Variants in SALL4 observed in about 807,000 individuals in gnomAD.
SALL4 encodes sal-like protein 4.
SALL4 carries 4 observed loss-of-function variants against 60.8 expected under a neutral mutation model. That is an observed-to-expected ratio of 0.07 (90% CI 0.03 to 0.15). SALL4 has a LOEUF of 0.15. SALL4 is among the 10% of genes least tolerant of loss of function. SALL4 has a pLI of 1.00. For missense variants in SALL4, 1,178 were observed against 1,394.7 expected (o/e 0.84, Z 2.48); for synonymous variants, 580 against 574.9 (o/e 1.01, Z -0.13).
intron 1 of SALL4, 66 bp from the exon 2 acceptor site, chr20:51,792,418 G>A (rs866448664): frequency 1.6e-5 from 25 of 1,572,266 alleles, no homozygotes; most frequent in Middle Eastern, 1.7e-4. Flanking sequence ...GCCGGGCACC[G>A]TCGCTCACAT....
chr20:51,786,880 A>G (rs2077996448), intron 3 of SALL4, among the ~76,000 whole-genome samples: 1 of 152,116 alleles, frequency 6.6e-6, no homozygotes, highest in Admixed American at 6.5e-5. Context: ...AGATCACCTG[A>G]GGTCAGGAGT....
rs958570167 is a variant in SALL4 at position 51,790,978 on chromosome 20, G to A, written c.1505C>T (p.Ser502Phe). The A allele has an allele frequency of 1.9e-6, 3 of 1,614,142 alleles. No individual in the cohort carries two copies. In the South Asian group the frequency reaches 3.3e-5, roughly 18 times the overall value. ...CCCAGGCTGCAGGTCACCGGGCAAG[G>A]AGCCACCCGTGAGGTCCTTGGGATT... ...GTNPKDLTGG[S>F]LPGDLQPGPS... is the part of the protein sequence containing the mutation. The change falls in exon 2 of 4, where the codon TCC (serine) becomes TTC (phenylalanine). Residue 502 changes from serine to phenylalanine, a missense_variant. This residue lies in a region of SALL4 where 853 missense variants were observed against 1,036.8 expected (regional missense o/e 0.82). Coordinates refer to ENST00000217086, the MANE Select transcript of SALL4 (RefSeq NM_020436.5). The surrounding 1 kb of genome is among the most constrained non-coding windows in gnomAD (Gnocchi z 5.5).
At chr20:51,789,277 C>G in intron 2 of SALL4, 136 bp from the exon 3 acceptor site, 1 of 903,442 alleles carries the variant, frequency 1.1e-6, no homozygotes, top group Non-Finnish European at 1.6e-6. Context: ...TAATTAACAC[C>G]TTCCCCTTTG....
chr20:51,790,336 T>C lies in SALL4; in HGVS notation c.2147A>G (p.His716Arg). Residue 716 changes from histidine to arginine, a missense_variant, in exon 2 of 4, where the codon CAC (histidine) becomes CGC (arginine). By Grantham distance (29) the His-to-Arg change is conservative. Coordinates refer to ENST00000217086, the MANE Select transcript of SALL4 (RefSeq NM_020436.5). This position sits in a 1 kb window ranked among gnomAD's most constrained non-coding sequence, Gnocchi z 5.5. ...AAACCCTAGCGTGGGTGATGCCGAG[T>C]GGATGCTGGGAAGAGGCGTGGGGAC... ...SKVPTPLPSI[H>R]SASPTLGFAM... 6.2e-7 allele frequency: 1 copy of C among 1,613,980 alleles called. No homozygotes were observed. The highest frequency in any genetic ancestry group is 1.3e-5 in the African/African-American group (1 of 74,988).
Position 51,790,985 on chromosome 20 carries a change from C to G in SALL4, c.1498G>C (p.Gly500Arg). The G allele has an allele frequency of 6.2e-7, 1 of 1,614,150 alleles. No homozygotes were observed. The highest frequency in any genetic ancestry group is 8.5e-7 in the Non-Finnish European group (1 of 1,180,014). ...TGCAGGTCACCGGGCAAGGAGCCAC[C>G]CGTGAGGTCCTTGGGATTAGTCCCC... ...SSGTNPKDLT[G>R]GSLPGDLQPG... Residue 500 changes from glycine (G) to arginine (R), a missense_variant, in exon 2 of 4, where the codon GGT becomes CGT. Around this residue, in one of 5 missense-constraint regions of SALL4, gnomAD observed 853 missense variants for 1,036.8 expected, o/e 0.82. Coordinates refer to ENST00000217086, the MANE Select transcript of SALL4 (RefSeq NM_020436.5). This position sits in a 1 kb window ranked among gnomAD's most constrained non-coding sequence, Gnocchi z 5.5.
At chr20:51,796,016 G>A (rs950776999) in intron 1 of SALL4, among the ~76,000 whole-genome samples, 3 of 151,966 alleles carry the variant, frequency 2.0e-5, no homozygotes, top group African/African-American at 7.3e-5. Context: ...CCAACATGGT[G>A]AAACTCTGTC....
rs3030173 is a variant in SALL4 at position 51,788,323 on chromosome 20, TTGTG to T, written c.2742+534_2742+537del. 0.31 allele frequency among the ~76,000 whole-genome samples: 44,432 copies of T among 141,622 alleles called. 6,964 individuals are homozygous for T. The highest frequency in any genetic ancestry group is 0.51 in the East Asian group (2,331 of 4,578). The allele number at this position is 141,622 out of a possible 152,430, so 92.9% of individuals were successfully genotyped here. ...GCATGCAACACCATGCCCAACTAAT[TTGTG>T]TGTGTGTGTGTGTGTGTGTGTGTGT... On this transcript the variant is annotated intron_variant, in intron 3 of 3. Coordinates refer to ENST00000217086, the MANE Select transcript of SALL4 (RefSeq NM_020436.5). This position sits in a 1 kb window ranked among gnomAD's most constrained non-coding sequence, Gnocchi z 4.1.
intron 1 of SALL4, chr20:51,793,102 T>C (rs2078059517): frequency 3.0e-6 from 1 of 336,054 alleles, no homozygotes; most frequent in African/African-American, 2.2e-5. Flanking sequence ...GTGTGAGAAA[T>C]ATGCAGAATT....
chr20:51,799,212 C>A (rs985266096), intron 1 of SALL4, among the ~76,000 whole-genome samples: 2 of 152,090 alleles, frequency 1.3e-5, no homozygotes, highest in Admixed American at 1.3e-4. Flanking sequence ...AGTAGCCCTT[C>A]TATAGTTGAA....
rs11469206 is a variant in SALL4 at position 51,801,919 on chromosome 20, AGGG to A, written c.130+357_130+359del. On this transcript the variant is annotated intron_variant, in intron 1 of 3. Transcript: ENST00000217086. This position sits in a 1 kb window ranked among gnomAD's most constrained non-coding sequence, Gnocchi z 5.2. Reference sequence around the variant, plus strand: ...GCGAGGGAGGGGGACCTAAGTTACAAGGGGGGGGGGTAACACCAGTGAGGGGAG... The same window carrying A: ...GCGAGGGAGGGGGACCTAAGTTACAAGGGGGGGTAACACCAGTGAGGGGAG... Among the ~76,000 whole-genome samples the A allele has an allele frequency of 9.5e-6, 1 of 105,400 alleles. No individual in the cohort carries two copies. Among genetic ancestry groups the A allele is most frequent in the Non-Finnish European group, 1.9e-5 (1 of 53,146 alleles). 69.1% of individuals were successfully genotyped at this position (105,400 alleles called of 152,430 possible).
chr20:51,792,796 A>T lies in SALL4; in HGVS notation c.131-444T>A, dbSNP rs1185057969. The T allele has an allele frequency of 9.5e-6, 10 of 1,053,076 alleles. No homozygotes were observed. In the South Asian group the frequency reaches 3.3e-4, roughly 35 times the overall value. 65.2% of individuals were successfully genotyped at this position (1,053,076 alleles called of 1,614,324 possible). A position where few individuals can be genotyped will look rare whatever the true frequency, so the allele number is the denominator to read the frequency against. Reference sequence around the variant, plus strand: ...GCCAGCCTACACATTGCAACTCCGAACTTGGGACTGTGTTTTAGCCAGATG... The same window carrying T: ...GCCAGCCTACACATTGCAACTCCGATCTTGGGACTGTGTTTTAGCCAGATG... On this transcript the variant is annotated intron_variant, in intron 1 of 3. Transcript: ENST00000217086.
At chr20:51,794,658 T>C (rs767153881) in intron 1 of SALL4, among the ~76,000 whole-genome samples, 7 of 152,228 alleles carry the variant, frequency 4.6e-5, no homozygotes, top group Non-Finnish European at 1.0e-4. Flanking sequence ...AGATAACTTT[T>C]GAGCACTTAC....
In SALL4 at chr20:51,784,023, A is replaced by C. The variant is rs2077971802; in HGVS notation, c.*242T>G. The stretch of plus-strand genomic sequence containing the variant: ...TGATAGAGCGAGACTCCATCTCAAA[A>C]AAAAAGAGTCTGTATTTGTTTTGGT... On this transcript the variant is annotated 3_prime_UTR_variant, in exon 4 of 4. Transcript: ENST00000217086. 1 of 528,370 alleles carries C rather than the reference A, an allele frequency of 1.9e-6. No homozygotes were observed. The highest frequency in any genetic ancestry group is 3.4e-6 in the Non-Finnish European group (1 of 295,910). The allele number at this position is 528,370 out of a possible 1,614,324, so 32.7% of individuals were successfully genotyped here. A position where few individuals can be genotyped will look rare whatever the true frequency, so the allele number is the denominator to read the frequency against.
chr20:51,784,144 A>G lies in SALL4; in HGVS notation c.*121T>C, dbSNP rs2122950878. On this transcript the variant is annotated 3_prime_UTR_variant, in exon 4 of 4. Transcript: ENST00000217086. ...CTGAGGTTGTGGTCACAACCAACGT[A>G]GTAAACATCATTTGCATATCAGTAA... 1 of 1,182,482 alleles carries G rather than the reference A, an allele frequency of 8.5e-7. No homozygotes were observed. The highest frequency in any genetic ancestry group is 1.2e-6 in the Non-Finnish European group (1 of 807,606). The allele number at this position is 1,182,482 out of a possible 1,614,324, so 73.2% of individuals were successfully genotyped here. A position where few individuals can be genotyped will look rare whatever the true frequency, so the allele number is the denominator to read the frequency against.
At position 51,802,303 on chromosome 20, in the gene SALL4, C is replaced by T. The variant is rs2078115689; in HGVS notation, c.106G>A (p.Ala36Thr). The change falls in exon 1 of 4, where the codon GCG becomes ACG. Residue 36 changes from alanine to threonine, a missense_variant. Around this residue, in one of 5 missense-constraint regions of SALL4, gnomAD observed 108 missense variants for 95.7 expected, o/e 1.13. Coordinates refer to ENST00000217086, the MANE Select transcript of SALL4 (RefSeq NM_020436.5). ...CCCAGCTCCCCCGCCGCGGGCGCCG[C>T]TGGGGCCGCATCTGCAAACTCCGGG... is the stretch of plus-strand genomic sequence containing the variant. ...QTPEFADAAP[A>T]APAAGELGAP... The T allele has an allele frequency of 3.1e-6, 5 of 1,608,338 alleles. No homozygotes were observed. The highest frequency in any genetic ancestry group is 2.2e-5 in the East Asian group (1 of 44,794).
intron 1 of SALL4, among the ~76,000 whole-genome samples, chr20:51,796,196 C>CAAAAAAAAAAAA (rs11474910): frequency 1.1e-5 from 1 of 90,564 alleles, no homozygotes. Context: ...AAGACTGTCT[C>CAAAAAAAAAAAA]AAAAAAAAAA....
chr20:51,792,763 G>A (rs537152910), intron 1 of SALL4: 1 of 1,109,412 alleles, frequency 9.0e-7, no homozygotes, highest in East Asian at 6.9e-5. Context: ...ACTTACTTTA[G>A]GGTTAGTGCC....
Position 51,801,393 on chromosome 20 carries a change from A to C in SALL4, c.130+886T>G, listed in dbSNP as rs980663792. ...CTTTCACACCCAAGCGCAAATGTGG[A>C]AAGCCGAGCGCTCCAGAAAAGCCAC... On this transcript the variant is annotated intron_variant, in intron 1 of 3. Coordinates refer to ENST00000217086, the MANE Select transcript of SALL4 (RefSeq NM_020436.5). The surrounding 1 kb of genome is among the most constrained non-coding windows in gnomAD (Gnocchi z 5.2). 3.3e-5 allele frequency: 5 copies of C among 152,268 alleles called. No homozygotes were observed. The highest frequency in any genetic ancestry group is 1.2e-4 in the African/African-American group (5 of 41,440). 9.4% of individuals were successfully genotyped at this position (152,268 alleles called of 1,614,324 possible).
intron 1 of SALL4, among the ~76,000 whole-genome samples, chr20:51,796,640 C>T (rs1218953960): frequency 1.3e-5 from 2 of 152,132 alleles, no homozygotes; most frequent in Non-Finnish European, 2.9e-5. Flanking sequence ...ATGTGGAAAA[C>T]AGGCTCAGAA....
Sources: gnomAD v4.1 joint callset for allele counts (sites outside exome capture counted in the v4.1 genomes callset) on GRCh38, gnomAD v4.1.1 for gene constraint, gnomAD v4.1.1 regional missense constraint, Gnocchi (gnomAD v3.1) non-coding constraint, MANE v1.5 for transcripts, NCBI Gene and HGNC (gene_info 2026-07-23, HGNC 2026-07-21) for gene names.